DCSTAMP: variants seen among roughly 807,000 people sequenced by gnomAD.
The protein encoded by DCSTAMP is dendritic cell-specific transmembrane protein.
A neutral mutation model predicts 33.8 loss-of-function variants in DCSTAMP; 25 were observed. The ratio of observed to expected loss-of-function variants is 0.74; its 90% CI spans 0.54 to 1.03. DCSTAMP has a LOEUF of 1.03. DCSTAMP is among the 50% of genes least tolerant of loss of function. DCSTAMP has a pLI of 0.00. For missense variants in DCSTAMP, 531 were observed against 556.8 expected (o/e 0.95, Z 0.47); for synonymous variants, 245 against 216.7 (o/e 1.13, Z -1.15).
chr8:104,354,117 G>T (rs1178394294), intron 2 of DCSTAMP, among the ~76,000 whole-genome samples: 1 of 152,166 alleles, frequency 6.6e-6, no homozygotes, highest in Non-Finnish European at 1.5e-5. Flanking sequence ...CCTTCAAAAA[G>T]AAGGAATGTA....
rs1018768147 is a variant in DCSTAMP, at chr8:104,352,998, T to C, written c.1030-1879T>C. On this transcript the variant is annotated intron_variant, in intron 2 of 3. Transcript: ENST00000297581. ...GTCACACAGGAAGAGAAACACTGGC[T>C]CAAGGTGCTGCCAATATTTCTCCCT... Among the ~76,000 whole-genome samples the C allele has an allele frequency of 2.0e-5, 3 of 152,192 alleles. No individual in the cohort carries two copies. In the South Asian group the frequency reaches 6.2e-4, roughly 31 times the overall value.
rs779541424 is a variant in DCSTAMP, at chr8:104,348,966, T to C, written c.414T>C (p.Phe138=). Residue 138 remains phenylalanine (F), a synonymous_variant, in exon 2 of 4, where the codon TTT becomes TTC. Coordinates refer to ENST00000297581, the MANE Select transcript of DCSTAMP (RefSeq NM_030788.4). ...NLRAKSFSIH[F]PLLKKYIEAI... Reference sequence around the variant, plus strand: ...GGGCAAAGAGCTTTTCCATACATTTTCCACTTTTGAAAAAATATATTGAGG... The same window carrying C: ...GGGCAAAGAGCTTTTCCATACATTTCCCACTTTTGAAAAAATATATTGAGG... 3.1e-6 allele frequency: 5 copies of C among 1,614,234 alleles called. No individual in the cohort carries two copies. The South Asian group carries it at 5.5e-5, about 18-fold the overall frequency.
Position 104,348,632 on chromosome 8 carries a change from T to A in DCSTAMP, c.80T>A (p.Met27Lys), listed in dbSNP as rs780122340. ...GTGTCTCCAAGAAGCCCCGGATGGA[T>A]GGACTTTATCCAGCATTTGGGAGTT... ...IYVSPRSPGW[M>K]DFIQHLGVCC... The change falls in exon 2 of 4, where the codon ATG becomes AAG. Residue 27 changes from methionine (M) to lysine (K), a missense_variant. Met to Lys is a moderately conservative substitution (Grantham distance 95). Coordinates refer to ENST00000297581, the MANE Select transcript of DCSTAMP (RefSeq NM_030788.4). 9 of 1,614,222 alleles carry A rather than the reference T, an allele frequency of 5.6e-6. No homozygotes were observed. Among genetic ancestry groups the A allele is most frequent in the Non-Finnish European group, 7.6e-6 (9 of 1,180,034 alleles).
At chr8:104,339,977 G>C (rs1201539093) in intron 1 of DCSTAMP, 115 bp downstream of exon 1, 3 of 152,240 alleles carry the variant, frequency 2.0e-5, no homozygotes, top group Non-Finnish European at 4.4e-5. Flanking sequence ...TACCCCGACA[G>C]TCTCCCTATG....
At chr8:104,356,086 A>C (rs781362692) in intron 3 of DCSTAMP, 38 bp from the exon 4 acceptor site, 2 of 1,584,722 alleles carry the variant, frequency 1.3e-6, no homozygotes, top group East Asian at 2.3e-5. Flanking sequence ...AATGACTCCA[A>C]CTCCAATGCC....
intron 1 of DCSTAMP, among the ~76,000 whole-genome samples, chr8:104,345,907 A>C (rs1481996150): frequency 6.6e-6 from 1 of 152,262 alleles, no homozygotes; most frequent in Non-Finnish European, 1.5e-5. Flanking sequence ...GGCTTGTGAT[A>C]TACAGGTCAG....
rs748958667 is a variant in DCSTAMP, at chr8:104,348,694, T to C, written c.142T>C (p.Ser48Pro). The C allele has an allele frequency of 6.8e-6, 11 of 1,614,084 alleles. No individual in the cohort carries two copies. Among genetic ancestry groups the C allele is most frequent in the East Asian group, 6.7e-5 (3 of 44,894 alleles). ...LVALISVGLL[S>P]VAACWFLPSI... The stretch of plus-strand genomic sequence containing the variant: ...TGCTCTTATTTCAGTGGGCCTCCTG[T>C]CTGTGGCCGCCTGCTGGTTTCTGCC... Residue 48 changes from serine to proline, a missense_variant, in exon 2 of 4, where the codon TCT (serine) becomes CCT (proline). Ser to Pro is a moderately conservative substitution (Grantham distance 74, BLOSUM62 -1). Transcript: ENST00000297581.
rs77194116 is a variant in DCSTAMP at position 104,355,142 on chromosome 8, C to T, written c.1295C>T (p.Pro432Leu). ...AKLLKKRSKQ[P>L]LGEVKRRLSL... ...CTGCTTAAAAAAAGATCAAAGCAGC[C>T]GCTGGGAGAAGTCAAAAGACGGCTG... The change falls in exon 3 of 4, where the codon CCG (proline) becomes CTG (leucine). Residue 432 changes from proline (P) to leucine (L), a missense_variant. Transcript: ENST00000297581. 13,822 of 1,613,868 alleles carry T rather than the reference C, an allele frequency of 8.6e-3. 116 individuals are homozygous for T. The highest frequency in any genetic ancestry group is 0.025 in the East Asian group (1,108 of 44,862).
In DCSTAMP at chr8:104,348,760, G is replaced by A. The variant is rs1249410120; in HGVS notation, c.208G>A (p.Val70Ile). 6.2e-7 allele frequency: 1 copy of A among 1,614,204 alleles called. No individual in the cohort carries two copies. Among genetic ancestry groups the A allele is most frequent in the South Asian group, 1.1e-5 (1 of 91,086 alleles). ...CGCTGCCTCCTGGATTATCACGTGT[G>A]TTCTGCTGTGTTGCTCCAAGCATGC... ...AAAASWIITC[V>I]LLCCSKHARC... The change falls in exon 2 of 4, where the codon GTT becomes ATT. Residue 70 changes from valine to isoleucine, a missense_variant. By Grantham distance (29) the Val-to-Ile change is conservative. Coordinates refer to ENST00000297581, the MANE Select transcript of DCSTAMP (RefSeq NM_030788.4).
rs760724223 is a variant in DCSTAMP, at chr8:104,355,094, G to A, written c.1247G>A (p.Arg416His). The A allele has an allele frequency of 1.7e-5, 27 of 1,613,994 alleles. No individual in the cohort carries two copies. The highest frequency in any genetic ancestry group is 8.9e-5 in the East Asian group (4 of 44,866). Residue 416 changes from arginine to histidine, a missense_variant, in exon 3 of 4, where the codon CGC becomes CAC. Coordinates refer to ENST00000297581, the MANE Select transcript of DCSTAMP (RefSeq NM_030788.4). ...TTCTACCCCAGCGTGGAGAGGAAGC[G>A]CATCCAATATCTGCATGCAAAGCTG... The part of the protein sequence containing the change: ...ASFYPSVERK[R>H]IQYLHAKLLK...
Position 104,348,547 on chromosome 8 carries a change from G to A in DCSTAMP, c.-6G>A. 6.2e-7 allele frequency: 1 copy of A among 1,605,040 alleles called. No individual in the cohort carries two copies. The stretch of plus-strand genomic sequence containing the variant: ...GTTTCTTTTTCATTTTCAGGACGCA[G>A]GGAGCATGGGTATCTGGACCTCAGG... On this transcript the variant is annotated 5_prime_UTR_variant, in exon 2 of 4. Transcript: ENST00000297581.
At position 104,348,885 on chromosome 8, in the gene DCSTAMP, A is replaced by G; in HGVS notation, c.333A>G (p.Val111=). Residue 111 remains valine (V), a synonymous_variant, in exon 2 of 4, where the codon GTA becomes GTG. Coordinates refer to ENST00000297581, the MANE Select transcript of DCSTAMP (RefSeq NM_030788.4). The stretch of plus-strand genomic sequence containing the variant: ...CAGGGATCGTCATCTTGGGACACGT[A>G]GAAAATATTTTTCACAACTTTAAAG... ...AGTGIVILGH[V]ENIFHNFKGL... 2 of 1,614,226 alleles carry G rather than the reference A, an allele frequency of 1.2e-6. No individual in the cohort carries two copies. The highest frequency in any genetic ancestry group is 1.7e-6 in the Non-Finnish European group (2 of 1,180,040).
intron 2 of DCSTAMP, among the ~76,000 whole-genome samples, chr8:104,350,021 T>G (rs1275810375): frequency 1.3e-5 from 2 of 152,210 alleles, no homozygotes; most frequent in Non-Finnish European, 2.9e-5. Context: ...CTTCTTTGCA[T>G]GTGGAAAATC....
At position 104,344,917 on chromosome 8, in the gene DCSTAMP, C is replaced by T. The variant is rs117210780; in HGVS notation, c.-12-3624C>T. On this transcript the variant is annotated intron_variant, in intron 1 of 3. Transcript: ENST00000297581. ...GCGTCACCGTGCCTGGAGGGTTGTACACCTTGGAGGTTGGTACAATCCAGC... is the reference window on the plus strand; with the variant it reads ...GCGTCACCGTGCCTGGAGGGTTGTATACCTTGGAGGTTGGTACAATCCAGC... 7.6e-4 allele frequency among the ~76,000 whole-genome samples: 115 copies of T among 152,208 alleles called. 2 individuals are homozygous for T. The East Asian group carries it at 0.019, about 26-fold the overall frequency.
chr8:104,349,672 G>A, intron 2 of DCSTAMP, 91 bp downstream of exon 2: 2 of 1,427,664 alleles, frequency 1.4e-6, no homozygotes, highest in East Asian at 2.3e-5. Flanking sequence ...CAGGGCAGTG[G>A]CTCATTCACC....
At chr8:104,342,351 AG>A (rs1222739883) in intron 1 of DCSTAMP, among the ~76,000 whole-genome samples, 2 of 152,256 alleles carry the variant, frequency 1.3e-5, no homozygotes, top group African/African-American at 4.8e-5. Flanking sequence ...CAGCCGTCAG[AG>A]TGTTTAAAAA....
chr8:104,343,395 C>T (rs966168858), intron 1 of DCSTAMP, among the ~76,000 whole-genome samples: 1 of 152,212 alleles, frequency 6.6e-6, no homozygotes, highest in Admixed American at 6.5e-5. Context: ...AAGCCTCAGA[C>T]ATTGACACAA....
rs1286972689 is a variant in DCSTAMP, at chr8:104,348,609, G to A, written c.57G>A (p.Val19=). Reference sequence around the variant, plus strand: ...TCCTAAGTCTTTGGGAGATTTACGTGTCTCCAAGAAGCCCCGGATGGATGG... The same window carrying A: ...TCCTAAGTCTTTGGGAGATTTACGTATCTCCAAGAAGCCCCGGATGGATGG... ...DIFLSLWEIY[V]SPRSPGWMDF... The change falls in exon 2 of 4, where the codon GTG becomes GTA. Residue 19 remains valine, a synonymous_variant. Coordinates refer to ENST00000297581, the MANE Select transcript of DCSTAMP (RefSeq NM_030788.4). The A allele has an allele frequency of 1.2e-6, 2 of 1,614,198 alleles. No individual in the cohort carries two copies. Among genetic ancestry groups the A allele is most frequent in the Admixed American group, 3.3e-5 (2 of 60,030 alleles).
At chr8:104,342,956 G>A (rs770091679) in intron 1 of DCSTAMP, among the ~76,000 whole-genome samples, 1 of 152,230 alleles carries the variant, frequency 6.6e-6, no homozygotes, top group African/African-American at 2.4e-5. Flanking sequence ...AAGGAGAGCT[G>A]CAGTCAGCTT....
Sources: gnomAD v4.1 joint callset for allele counts (sites outside exome capture counted in the v4.1 genomes callset) on GRCh38, gnomAD v4.1.1 for gene constraint, MANE v1.5 for transcripts, NCBI Gene and HGNC (gene_info 2026-07-23, HGNC 2026-07-21) for gene names.